PEBP4: variants seen among roughly 807,000 people sequenced by gnomAD.
PEBP4 encodes the protein phosphatidylethanolamine binding protein 4, also known as phosphatidylethanolamine-binding protein 4.
A neutral mutation model predicts 23.9 loss-of-function variants in PEBP4; 22 were observed. The ratio of observed to expected loss-of-function variants is 0.92; its 90% CI spans 0.66 to 1.31. The LOEUF (loss-of-function observed/expected upper bound fraction) is 1.31, where lower values mean the gene tolerates loss of function less well. PEBP4 is among the 40% of genes most tolerant of loss of function. The pLI, the probability that PEBP4 is intolerant of heterozygous loss-of-function variation, is 0.00. For missense variants in PEBP4, 324 were observed against 281.7 expected, an observed-to-expected ratio of 1.15 and a Z score of -1.07; for synonymous variants, 112 against 99.3, an observed-to-expected ratio of 1.13 and a Z score of -0.76.
chr8:22,842,301 G>A (rs1180211018), intron 3 of PEBP4, among the ~76,000 whole-genome samples: 1 of 152,116 alleles, frequency 6.6e-6, no homozygotes, highest in East Asian at 1.9e-4. Flanking sequence ...TTTAGGAGGG[G>A]ATCCCTAAGG....
intron 3 of PEBP4, among the ~76,000 whole-genome samples, chr8:22,849,372 A>G (rs1807504965): frequency 6.6e-6 from 1 of 152,198 alleles, no homozygotes; most frequent in Admixed American, 6.5e-5. Context: ...TGTGCTTTAC[A>G]GTATAGACAG....
At chr8:22,845,714 G>A (rs1428377532) in intron 3 of PEBP4, among the ~76,000 whole-genome samples, 6 of 152,190 alleles carry the variant, frequency 3.9e-5, no homozygotes, top group Admixed American at 3.9e-4. Context: ...AATATCACAG[G>A]TATTCCACCC....
intron 3 of PEBP4, among the ~76,000 whole-genome samples, chr8:22,914,411 G>A (rs1281662803): frequency 2.0e-5 from 3 of 152,112 alleles, no homozygotes; most frequent in Admixed American, 6.5e-5. Flanking sequence ...AACACATACT[G>A]TGCCCAGCCC....
chr8:22,773,848 C>G (rs1020951339), intron 4 of PEBP4, among the ~76,000 whole-genome samples: 1 of 152,156 alleles, frequency 6.6e-6, no homozygotes, highest in African/African-American at 2.4e-5. Flanking sequence ...CCTTTTCCAT[C>G]TTGTTCCTCT....
chr8:22,909,139 G>A (rs1808879944), intron 3 of PEBP4, among the ~76,000 whole-genome samples: 2 of 152,132 alleles, frequency 1.3e-5, no homozygotes, highest in African/African-American at 4.8e-5. Flanking sequence ...ACAGGTTCCT[G>A]GGGTAGGATG....
chr8:22,803,554 C>T lies in PEBP4; in HGVS notation c.357+14083G>A, dbSNP rs539524057. The stretch of plus-strand genomic sequence containing the variant: ...TGCTGCGGGCTTATAATCCCAGCTA[C>T]TCAGGAAGCTGAGGCCGGAGAATGG... On this transcript the variant is annotated intron_variant, in intron 4 of 6. Coordinates refer to ENST00000256404, the MANE Select transcript of PEBP4 (RefSeq NM_144962.3). 3.4e-3 allele frequency among the ~76,000 whole-genome samples: 510 copies of T among 152,196 alleles called. 1 individual carries two copies. Among genetic ancestry groups the T allele is most frequent in the African/African-American group, 0.012 (483 of 41,508 alleles).
chr8:22,747,448 G>C (rs1319004727), intron 4 of PEBP4: 1 of 152,248 alleles, frequency 6.6e-6, no homozygotes, highest in Non-Finnish European at 1.5e-5. Context: ...CACCAGATCT[G>C]TGGGTCTCTG....
chr8:22,744,901 G>A (rs1043499743), intron 4 of PEBP4, among the ~76,000 whole-genome samples: 69 of 152,112 alleles, frequency 4.5e-4, no homozygotes, highest in African/African-American at 1.5e-3. Flanking sequence ...TTGCAGATGG[G>A]GACACAAGCT....
chr8:22,865,947 C>A lies in PEBP4; in HGVS notation c.259-48212G>T, dbSNP rs1384412408. ...CCTCGAGGTGTGGCCCGGCGCCGGG[C>A]GGTGCTGCCCGGAGAGCGCGCAGCC... is the stretch of plus-strand genomic sequence containing the variant. On this transcript the variant is annotated intron_variant, in intron 3 of 6. Transcript: ENST00000256404. The surrounding 1 kb of genome is among the most constrained non-coding windows in gnomAD (Gnocchi z 6.9). Among the ~76,000 whole-genome samples, 3 of 152,052 alleles carry A rather than the reference C, an allele frequency of 2.0e-5. No individual in the cohort carries two copies. Among genetic ancestry groups the A allele is most frequent in the Admixed American group, 2.0e-4 (3 of 15,274 alleles).
chr8:22,857,504 G>A (rs768407814), intron 3 of PEBP4, among the ~76,000 whole-genome samples: 9 of 152,186 alleles, frequency 5.9e-5, no homozygotes, highest in African/African-American at 1.9e-4. Context: ...GAGATTCACA[G>A]CAAGCAAACA....
chr8:22,807,250 G>A (rs1175384490), intron 4 of PEBP4, among the ~76,000 whole-genome samples: 8 of 152,282 alleles, frequency 5.3e-5, no homozygotes, highest in East Asian at 3.9e-4. Flanking sequence ...GTAACAGTCC[G>A]CAGAGGCCTA....
upstream of PEBP4, among the ~76,000 whole-genome samples, chr8:22,932,504 C>T (rs1809472401): frequency 6.6e-6 from 1 of 152,106 alleles, no homozygotes; most frequent in South Asian, 2.1e-4. Context: ...CTTGTTCCCT[C>T]ATGGAAAGCT....
intron 4 of PEBP4, among the ~76,000 whole-genome samples, chr8:22,805,052 C>A (rs963011027): frequency 6.6e-6 from 1 of 152,334 alleles, no homozygotes; most frequent in African/African-American, 2.4e-5. Context: ...CATCCTAACA[C>A]TCCCCACTCT....
intron 3 of PEBP4, among the ~76,000 whole-genome samples, chr8:22,862,746 G>A (rs1393246688): frequency 6.6e-6 from 1 of 151,180 alleles, no homozygotes; most frequent in Non-Finnish European, 1.5e-5. Flanking sequence ...CACACAGCTA[G>A]TAGGAGTGGA....
At chr8:22,855,183 C>T (rs568260967) in intron 3 of PEBP4, among the ~76,000 whole-genome samples, 2 of 152,290 alleles carry the variant, frequency 1.3e-5, no homozygotes, top group African/African-American at 4.8e-5. Context: ...AACTCCTCCT[C>T]TCTCTCTGCG....
chr8:22,904,588 A>G (rs1423723832), intron 3 of PEBP4, among the ~76,000 whole-genome samples: 1 of 152,230 alleles, frequency 6.6e-6, no homozygotes. Context: ...AGACAAGTGT[A>G]AAGGAGAAAA....
intron 3 of PEBP4, among the ~76,000 whole-genome samples, chr8:22,902,559 C>T (rs1808733638): frequency 6.6e-6 from 1 of 152,064 alleles, no homozygotes; most frequent in African/African-American, 2.4e-5. Context: ...CCCCAGGCAA[C>T]CTCTCCCTCC....
At chr8:22,801,586 A>G (rs930217971) in intron 4 of PEBP4, among the ~76,000 whole-genome samples, 4 of 152,152 alleles carry the variant, frequency 2.6e-5, no homozygotes, top group African/African-American at 9.7e-5. Flanking sequence ...TGGTTCCCAA[A>G]GAGATGAAGG....
chr8:22,863,755 G>GA (rs770027095), intron 3 of PEBP4, among the ~76,000 whole-genome samples: 3 of 152,070 alleles, frequency 2.0e-5, no homozygotes, highest in East Asian at 1.9e-4. Flanking sequence ...CAGCACATAA[G>GA]AAAAAAGAGT....
Sources: gnomAD v4.1 joint callset for allele counts (sites outside exome capture counted in the v4.1 genomes callset) on GRCh38, gnomAD v4.1.1 for gene constraint, Gnocchi (gnomAD v3.1) non-coding constraint, MANE v1.5 for transcripts, NCBI Gene and HGNC (gene_info 2026-07-23, HGNC 2026-07-21) for gene names.